RANBP2: variants seen among roughly 807,000 people sequenced by gnomAD.
RANBP2 encodes RAN binding protein 2.
A neutral mutation model predicts 303.6 loss-of-function variants in RANBP2; 57 were observed. The ratio of observed to expected loss-of-function variants is 0.19; its 90% CI spans 0.15 to 0.23. The LOEUF is 0.23. Ranked by LOEUF, RANBP2 falls within the 10% of genes least tolerant of loss-of-function variation. The pLI, the probability that RANBP2 is intolerant of heterozygous loss-of-function variation, is 1.00. For synonymous variants in RANBP2, 1,167 were observed against 1,301.5 expected (o/e 0.90, Z 2.23); for missense variants, 3,138 against 3,780.8 (o/e 0.83, Z 4.46).
At chr2:108,970,900 T>G in the RANBP2 span, among the ~76,000 whole-genome samples, 1 of 152,298 alleles carries the variant, frequency 6.6e-6, no homozygotes, top group South Asian at 2.1e-4. Context: ...AGTGATAGAT[T>G]TGCTAATTCT....
At chr2:109,474,049 T>G in the RANBP2 span, among the ~76,000 whole-genome samples, 2 of 152,118 alleles carry the variant, frequency 1.3e-5, no homozygotes, top group Admixed American at 6.5e-5. Context: ...CTGTGTGGCC[T>G]CCTCACCTTT....
the RANBP2 span, among the ~76,000 whole-genome samples, chr2:109,488,027 C>A: frequency 6.6e-6 from 1 of 152,224 alleles, no homozygotes; most frequent in African/African-American, 2.4e-5. Context: ...AGGCTAATTC[C>A]TTTTCCTTTG....
chr2:108,738,882 G>A (rs1695841260), intron 6 of RANBP2, among the ~76,000 whole-genome samples: 1 of 151,644 alleles, frequency 6.6e-6, no homozygotes, highest in Non-Finnish European at 1.5e-5. Context: ...CACCCGCCTT[G>A]GCCTCCCAAA....
the RANBP2 span, among the ~76,000 whole-genome samples, chr2:109,174,517 C>T: frequency 6.6e-6 from 1 of 152,214 alleles, no homozygotes; most frequent in African/African-American, 2.4e-5. Context: ...GGGCAACGGG[C>T]AGTCCTGGAA....
the RANBP2 span, among the ~76,000 whole-genome samples, chr2:109,566,675 T>C: frequency 1.4e-4 from 21 of 152,018 alleles, no homozygotes; most frequent in African/African-American, 4.8e-4. Flanking sequence ...GAGAGATCAC[T>C]AGGAGCAGGA....
chr2:109,161,802 A>G, the RANBP2 span, among the ~76,000 whole-genome samples: 1 of 152,048 alleles, frequency 6.6e-6, no homozygotes, highest in Non-Finnish European at 1.5e-5. Context: ...GGAGGGCATT[A>G]ATCTATTCAT....
the RANBP2 span, among the ~76,000 whole-genome samples, chr2:108,991,020 T>C: frequency 6.6e-6 from 1 of 152,200 alleles, no homozygotes; most frequent in South Asian, 2.1e-4. Context: ...TAAGTGGTGA[T>C]TTAAAATTTA....
chr2:109,243,905 A>G, the RANBP2 span, among the ~76,000 whole-genome samples: 1 of 152,198 alleles, frequency 6.6e-6, no homozygotes, highest in African/African-American at 2.4e-5. Context: ...AGTGAGTGAG[A>G]GAGGCTTAGA....
At chr2:109,653,463 C>T in the RANBP2 span, among the ~76,000 whole-genome samples, 1 of 152,100 alleles carries the variant, frequency 6.6e-6, no homozygotes, top group Admixed American at 6.5e-5. Flanking sequence ...ACTGCAGCCC[C>T]TTGTCTGCTG....
rs375558293 is a variant in RANBP2, at chr2:108,766,101, T to G, written c.5562T>G (p.Asn1854Lys). 7 of 1,614,012 alleles carry G rather than the reference T, an allele frequency of 4.3e-6. No homozygotes were observed. In the African/African-American group the frequency reaches 9.3e-5, roughly 22 times the overall value. ...CAGAAAAAGCTTCTAAGTTTGGCAA[T>G]ACAGAGCAAGGATTCAAATTTGGGC... The part of the protein sequence containing the change: ...NFSEKASKFG[N>K]TEQGFKFGHV... The change falls in exon 20 of 29, where the codon AAT (asparagine) becomes AAG (lysine). Residue 1854 changes from asparagine to lysine, a missense_variant. Coordinates refer to ENST00000283195, the MANE Select transcript of RANBP2 (RefSeq NM_006267.5).
At chr2:109,311,567 A>G in the RANBP2 span, among the ~76,000 whole-genome samples, 37 of 152,208 alleles carry the variant, frequency 2.4e-4, no homozygotes, top group Non-Finnish European at 4.7e-4. Flanking sequence ...CTGTTTGCAG[A>G]CGACATGATT....
chr2:109,719,170 C>T, the RANBP2 span, among the ~76,000 whole-genome samples: 1 of 144,902 alleles, frequency 6.9e-6, no homozygotes, highest in Non-Finnish European at 1.5e-5. Flanking sequence ...GATCTGGGCT[C>T]ACCGCAACCT....
the RANBP2 span, among the ~76,000 whole-genome samples, chr2:109,439,268 G>A: frequency 6.6e-6 from 1 of 152,130 alleles, no homozygotes. Context: ...AGTGAGGCAC[G>A]GGATGGTTAA....
At chr2:109,038,681 C>T in the RANBP2 span, among the ~76,000 whole-genome samples, 3 of 152,192 alleles carry the variant, frequency 2.0e-5, no homozygotes, top group Admixed American at 6.5e-5. Flanking sequence ...AATTCAAGAA[C>T]ATGTACATGT....
chr2:109,048,522 T>C, the RANBP2 span, among the ~76,000 whole-genome samples: 245 of 152,322 alleles, frequency 1.6e-3, no homozygotes, highest in African/African-American at 5.4e-3. Flanking sequence ...CAATATCTCC[T>C]GTACTGAGTC....
the RANBP2 span, among the ~76,000 whole-genome samples, chr2:108,851,713 G>C: frequency 8.5e-5 from 13 of 152,154 alleles, no homozygotes; most frequent in Admixed American, 4.6e-4. Context: ...GAAAGTCCAG[G>C]AAAGATTAGA....
At chr2:109,103,582 C>T in the RANBP2 span, among the ~76,000 whole-genome samples, 1 of 152,112 alleles carries the variant, frequency 6.6e-6, no homozygotes, top group Non-Finnish European at 1.5e-5. Context: ...GAAAGAAATG[C>T]TTGGGGTTAA....
At chr2:109,260,099 G>A in the RANBP2 span, among the ~76,000 whole-genome samples, 2 of 152,076 alleles carry the variant, frequency 1.3e-5, no homozygotes, top group African/African-American at 2.4e-5. Flanking sequence ...AGAGTAGAGA[G>A]GCTCTCTGGG....
chr2:109,595,553 G>T, the RANBP2 span, among the ~76,000 whole-genome samples: 1 of 152,134 alleles, frequency 6.6e-6, no homozygotes, highest in African/African-American at 2.4e-5. Flanking sequence ...CAGAAATTTG[G>T]AGAAATTAGA....
Sources: gnomAD v4.1 joint callset for allele counts (sites outside exome capture counted in the v4.1 genomes callset) on GRCh38, gnomAD v4.1.1 for gene constraint, MANE v1.5 for transcripts, NCBI Gene and HGNC (gene_info 2026-07-23, HGNC 2026-07-21) for gene names.